The following PLCB1 variants were observed in gnomAD, a reference collection of about 807,000 sequenced individuals.
The protein encoded by PLCB1 is phospholipase C beta 1.
In PLCB1, 46 loss-of-function variants were observed where a neutral mutation model predicts 161.8. The observed-to-expected ratio is 0.28, with a 90% confidence interval of 0.22 to 0.36. The LOEUF is 0.36. PLCB1 is among the 10% of genes least tolerant of loss of function. PLCB1 has a pLI of 1.00. For synonymous variants in PLCB1, 517 were observed against 503.7 expected (o/e 1.03, Z -0.35); for missense variants, 1,016 against 1,472.5 (o/e 0.69, Z 5.07).
At chr20:8,454,908 T>A (rs540119936) in intron 3 of PLCB1, among the ~76,000 whole-genome samples, 1 of 152,342 alleles carries the variant, frequency 6.6e-6, no homozygotes, top group African/African-American at 2.4e-5. Flanking sequence ...TGTTCACTGC[T>A]TTTTAGTTCA....
intron 3 of PLCB1, among the ~76,000 whole-genome samples, chr20:8,527,725 T>C (rs945533253): frequency 2.6e-5 from 4 of 152,070 alleles, no homozygotes; most frequent in African/African-American, 9.7e-5. Context: ...TACGTAAAAA[T>C]TCATCAAGCT....
intron 7 of PLCB1, chr20:8,651,736 G>C: frequency 2.2e-6 from 1 of 444,980 alleles, no homozygotes; most frequent in South Asian, 5.9e-5. Context: ...CTGTAAACTG[G>C]GGGAAGTGCT....
chr20:8,851,058 AAATAAG>A (rs1986869197), intron 31 of PLCB1, among the ~76,000 whole-genome samples: 1 of 152,224 alleles, frequency 6.6e-6, no homozygotes, highest in African/African-American at 2.4e-5. Flanking sequence ...CCAACTTTAA[AAATAAG>A]GAGATATCCT....
intron 31 of PLCB1, among the ~76,000 whole-genome samples, chr20:8,852,152 C>T (rs1986911711): frequency 6.6e-6 from 1 of 152,252 alleles, no homozygotes. Context: ...CCTAATTATT[C>T]TGTCATTTCA....
At chr20:8,518,480 A>G (rs957699128) in intron 3 of PLCB1, among the ~76,000 whole-genome samples, 3 of 152,022 alleles carry the variant, frequency 2.0e-5, no homozygotes, top group African/African-American at 7.2e-5. Context: ...ATTCATTTCT[A>G]CTCTTTGCTA....
chr20:8,498,979 T>A (rs1368207747), intron 3 of PLCB1, among the ~76,000 whole-genome samples: 1 of 152,218 alleles, frequency 6.6e-6, no homozygotes, highest in East Asian at 1.9e-4. Flanking sequence ...TTTGAGTGTA[T>A]GCTGTATAAA....
chr20:8,839,405 T>A (rs1986410152), intron 31 of PLCB1, among the ~76,000 whole-genome samples: 1 of 152,150 alleles, frequency 6.6e-6, no homozygotes, highest in Admixed American at 6.5e-5. Flanking sequence ...TAGTTTTGAG[T>A]GGATCCCAGA....
At chr20:8,377,600 CA>C (rs1987129604) in intron 3 of PLCB1, among the ~76,000 whole-genome samples, 1 of 152,032 alleles carries the variant, frequency 6.6e-6, no homozygotes, top group African/African-American at 2.4e-5. Flanking sequence ...AGGTGGTGAA[CA>C]AAGTGACATA....
In PLCB1 at chr20:8,569,989, C is replaced by T. The variant is rs111897885; in HGVS notation, c.247-58305C>T. On this transcript the variant is annotated intron_variant, in intron 3 of 31. Transcript: ENST00000338037. The stretch of plus-strand genomic sequence containing the variant: ...CAAGGGTTGGGCTTCAGGTTTGAAC[C>T]AGCCAGCAGCTCAACCAGGTCATTA... Among the ~76,000 whole-genome samples the T allele has an allele frequency of 6.6e-3, 1,004 of 152,248 alleles. 9 individuals are homozygous for T. Among genetic ancestry groups the T allele is most frequent in the African/African-American group, 0.023 (936 of 41,542 alleles).
chr20:8,281,989 A>T (rs780694016), intron 2 of PLCB1, among the ~76,000 whole-genome samples: 44 of 152,028 alleles, frequency 2.9e-4, no homozygotes, highest in Admixed American at 7.9e-4. Context: ...TGAAATATTT[A>T]AAAAAAAATT....
chr20:8,340,227 A>T (rs552397458), intron 2 of PLCB1, among the ~76,000 whole-genome samples: 22 of 152,278 alleles, frequency 1.4e-4, no homozygotes, highest in African/African-American at 5.1e-4. Context: ...CGTTACTCTG[A>T]GACAATTGTA....
Position 8,132,948 on chromosome 20 carries a change from C to T in PLCB1, c.99+198C>T, listed in dbSNP as rs1402292802. Among the ~76,000 whole-genome samples the T allele has an allele frequency of 6.6e-6, 1 of 152,138 alleles. No individual in the cohort carries two copies. The highest frequency in any genetic ancestry group is 1.5e-5 in the Non-Finnish European group (1 of 68,020). ...TTGCGCGCGCTCCTGTTTCATCGGGCTTCAGTAGTTGCCATCCTTTCTGGG... is the reference window on the plus strand; with the variant it reads ...TTGCGCGCGCTCCTGTTTCATCGGGTTTCAGTAGTTGCCATCCTTTCTGGG... On this transcript the variant is annotated intron_variant, in intron 1 of 31. Coordinates refer to ENST00000338037, the MANE Select transcript of PLCB1 (RefSeq NM_015192.4). The surrounding 1 kb of genome is among the most constrained non-coding windows in gnomAD (Gnocchi z 5.2).
chr20:8,505,851 A>G (rs1273686192), intron 3 of PLCB1, among the ~76,000 whole-genome samples: 1 of 152,212 alleles, frequency 6.6e-6, no homozygotes. Context: ...CAATTTAATT[A>G]AAGATGGGTT....
intron 2 of PLCB1, among the ~76,000 whole-genome samples, chr20:8,241,755 A>C (rs73607876): frequency 6.6e-6 from 1 of 151,904 alleles, no homozygotes; most frequent in African/African-American, 2.4e-5. Context: ...ACTTCTTTCT[A>C]CCACCCTTCC....
intron 16 of PLCB1, among the ~76,000 whole-genome samples, chr20:8,725,165 G>A: frequency 6.6e-6 from 1 of 152,134 alleles, no homozygotes; most frequent in East Asian, 1.9e-4. Flanking sequence ...GCAGAGACTT[G>A]ATGAACCCTG....
chr20:8,775,487 G>A (rs887836522), intron 27 of PLCB1, among the ~76,000 whole-genome samples: 1 of 152,164 alleles, frequency 6.6e-6, no homozygotes, highest in African/African-American at 2.4e-5. Context: ...TGTATAAGCT[G>A]TCTATTTCTT....
chr20:8,471,160 G>A (rs1280934720), intron 3 of PLCB1, among the ~76,000 whole-genome samples: 1 of 152,064 alleles, frequency 6.6e-6, no homozygotes, highest in East Asian at 1.9e-4. Context: ...TTGTTCCATG[G>A]AATGTAATAG....
chr20:8,277,040 T>C (rs1405656601), intron 2 of PLCB1, among the ~76,000 whole-genome samples: 1 of 149,516 alleles, frequency 6.7e-6, no homozygotes, highest in African/African-American at 2.5e-5. Context: ...CTCACTCTGT[T>C]GCCAGGCTGG....
At chr20:8,455,868 C>T (rs533572841) in intron 3 of PLCB1, among the ~76,000 whole-genome samples, 2 of 152,236 alleles carry the variant, frequency 1.3e-5, no homozygotes, top group Admixed American at 6.5e-5. Context: ...TCCATAGGCT[C>T]CTATCTTTGT....
Sources: allele counts gnomAD v4.1 joint callset (sites outside exome capture counted in the v4.1 genomes callset), GRCh38; gene constraint gnomAD v4.1.1; non-coding constraint Gnocchi (gnomAD v3.1); transcripts MANE v1.5; gene names NCBI Gene and HGNC (gene_info 2026-07-23, HGNC 2026-07-21).